The following SRGAP2B variants were observed in gnomAD, a reference collection of about 807,000 sequenced individuals.
SRGAP2B encodes SLIT-ROBO Rho GTPase-activating protein 2B.
SRGAP2B carries 9 observed loss-of-function variants against 22.2 expected under a neutral mutation model. The ratio of observed to expected loss-of-function variants is 0.41; its 90% CI spans 0.24 to 0.71. The LOEUF (loss-of-function observed/expected upper bound fraction) is 0.71. SRGAP2B is among the 30% of genes least tolerant of loss of function. The pLI, the probability that SRGAP2B is intolerant of heterozygous loss-of-function variation, is 0.35. For missense variants in SRGAP2B, 114 were observed against 235.8 expected (o/e 0.48, Z 3.38); for synonymous variants, 36 against 87.4 (o/e 0.41, Z 3.28).
chr1:145,012,723 A>AT (rs1188811037), intron 2 of SRGAP2B, among the ~76,000 whole-genome samples: 1 of 132,106 alleles, frequency 7.6e-6, no homozygotes, highest in Admixed American at 7.6e-5. Context: ...CCACTATAAT[A>AT]TTTTTTTCAA....
chr1:144,994,840 A>G lies in SRGAP2B; in HGVS notation c.260+168T>C, dbSNP rs1233779127. Among the ~76,000 whole-genome samples, 14 of 150,522 alleles carry G rather than the reference A, an allele frequency of 9.3e-5. 1 individual carries two copies. The highest frequency in any genetic ancestry group is 1.6e-4 in the Non-Finnish European group (11 of 67,962). ...CTACTCTCATCTCTACGAAATGTTG[A>G]ATTGCACTTAAGACTGATCTGGAAA... On this transcript the variant is annotated intron_variant, in intron 3 of 9. Coordinates refer to ENST00000612199, the Ensembl canonical transcript of SRGAP2B.
chr1:144,984,309 A>G (rs1669535236), intron 3 of SRGAP2B, among the ~76,000 whole-genome samples: 1 of 146,924 alleles, frequency 6.8e-6, no homozygotes, highest in African/African-American at 2.6e-5. Context: ...AACAAGAGCG[A>G]AACTCCATCT....
At chr1:144,923,407 T>C (rs1664400303) in intron 4 of SRGAP2B, among the ~76,000 whole-genome samples, 1 of 150,208 alleles carries the variant, frequency 6.7e-6, no homozygotes, top group Non-Finnish European at 1.5e-5. Context: ...AGATGAGTGA[T>C]CACCCCATTT....
chr1:144,973,769 GA>G, intron 3 of SRGAP2B, among the ~76,000 whole-genome samples: 1 of 129,642 alleles, frequency 7.7e-6, no homozygotes, highest in East Asian at 2.2e-4. Flanking sequence ...CAAATTCCCA[GA>G]ATGAGGATTC....
At chr1:144,990,637 G>A (rs1553616850) in intron 3 of SRGAP2B, among the ~76,000 whole-genome samples, 1 of 146,886 alleles carries the variant, frequency 6.8e-6, no homozygotes, top group Non-Finnish European at 1.5e-5. Flanking sequence ...CAGCTTGCAG[G>A]GAGGTGTGGA....
intron 2 of SRGAP2B, among the ~76,000 whole-genome samples, chr1:145,088,912 C>G (rs1203237180): frequency 7.4e-6 from 1 of 135,768 alleles, no homozygotes; most frequent in Admixed American, 7.4e-5. Flanking sequence ...GGAAAATATT[C>G]AAGAAAAAAA....
intron 2 of SRGAP2B, among the ~76,000 whole-genome samples, chr1:145,047,175 CAAAAAAAAA>C (rs4058382): frequency 2.7e-4 from 4 of 14,576 alleles, no homozygotes; most frequent in African/African-American, 5.6e-4. Flanking sequence ...GACTCTGTCT[CAAAAAAAAA>C]AAAAAAAAAA....
chr1:144,985,382 T>C (rs1669636190), intron 3 of SRGAP2B, among the ~76,000 whole-genome samples: 1 of 146,004 alleles, frequency 6.8e-6, no homozygotes, highest in Non-Finnish European at 1.5e-5. Context: ...GACAGAAATG[T>C]AGAAGTATTG....
At chr1:144,917,998 TG>T (rs1663989516) in intron 4 of SRGAP2B, 1 of 64,626 alleles carries the variant, frequency 1.5e-5, no homozygotes, top group Non-Finnish European at 2.9e-5. Flanking sequence ...CATTTATTCC[TG>T]GGAACAACAA....
At chr1:144,966,556 A>G (rs1668099835) in intron 3 of SRGAP2B, among the ~76,000 whole-genome samples, 1 of 146,850 alleles carries the variant, frequency 6.8e-6, no homozygotes, top group Non-Finnish European at 1.5e-5. Context: ...TGTAAACACC[A>G]TCGATGCTAG....
intron 6 of SRGAP2B, 54 bp downstream of exon 6, chr1:144,905,805 C>G (rs1380380379): frequency 9.9e-6 from 7 of 708,638 alleles, no homozygotes; most frequent in Non-Finnish European, 1.6e-5. Context: ...TCCTATCAGC[C>G]ATGCCTTACC....
At chr1:144,984,871 C>T (rs1388023695) in intron 3 of SRGAP2B, among the ~76,000 whole-genome samples, 8 of 150,228 alleles carry the variant, frequency 5.3e-5, no homozygotes, top group African/African-American at 1.8e-4. Context: ...CTCCACAATA[C>T]AAACCCATCT....
chr1:144,987,402 A>AT (rs1669814520), intron 3 of SRGAP2B, among the ~76,000 whole-genome samples: 2 of 150,568 alleles, frequency 1.3e-5, no homozygotes, highest in African/African-American at 4.9e-5. Flanking sequence ...AAATAAGGCC[A>AT]TACCTGCCCC....
At chr1:145,064,432 G>A (rs1168315623) in intron 2 of SRGAP2B, among the ~76,000 whole-genome samples, 3 of 147,808 alleles carry the variant, frequency 2.0e-5, no homozygotes, top group African/African-American at 7.8e-5. Flanking sequence ...GCTGTTAAGA[G>A]TTAGACACTG....
chr1:144,926,495 C>A (rs1553346835), intron 4 of SRGAP2B, among the ~76,000 whole-genome samples: 2 of 137,644 alleles, frequency 1.5e-5, no homozygotes, highest in African/African-American at 5.5e-5. Context: ...TCCCTACCCC[C>A]ACCCAGACAC....
intron 3 of SRGAP2B, among the ~76,000 whole-genome samples, chr1:144,983,029 G>A (rs1245046832): frequency 6.7e-6 from 1 of 149,520 alleles, no homozygotes; most frequent in African/African-American, 2.6e-5. Flanking sequence ...TGCTACATCT[G>A]GGCAAAATCT....
intron 3 of SRGAP2B, among the ~76,000 whole-genome samples, chr1:144,973,680 G>C (rs2102025216): frequency 7.9e-6 from 1 of 125,810 alleles, no homozygotes; most frequent in East Asian, 2.2e-4. Flanking sequence ...TACGATGATT[G>C]TTTTCCTCTT....
Position 145,023,103 on chromosome 1 carries a change from G to T in SRGAP2B, c.68-27903C>A, listed in dbSNP as rs1403844141. ...TCACTTGAACCCGGGAGAGGCGGAG[G>T]TTGCAGTGAGCAGAGATCGCGCCAC... On this transcript the variant is annotated intron_variant, in intron 2 of 9. Transcript: ENST00000612199. 1.3e-5 allele frequency among the ~76,000 whole-genome samples: 2 copies of T among 148,368 alleles called. 1 individual carries two copies. Among genetic ancestry groups the T allele is most frequent in the African/African-American group, 5.1e-5 (2 of 39,308 alleles).
Position 145,080,770 on chromosome 1 carries a change from G to C in SRGAP2B, c.67+12065C>G, listed in dbSNP as rs1282294880. Among the ~76,000 whole-genome samples the C allele has an allele frequency of 2.0e-5, 3 of 149,384 alleles. 1 individual carries two copies. Among genetic ancestry groups the C allele is most frequent in the Non-Finnish European group, 4.4e-5 (3 of 67,730 alleles). On this transcript the variant is annotated intron_variant, in intron 2 of 9. Coordinates refer to ENST00000612199, the Ensembl canonical transcript of SRGAP2B. ...GGGTTTCACCATGTTGGCCAGGCTG[G>C]TCTTGAACTCCTGACCTTAGGTGAT...
Sources: gnomAD v4.1 joint callset for allele counts (sites outside exome capture counted in the v4.1 genomes callset) on GRCh38, gnomAD v4.1.1 for gene constraint, MANE v1.5 for transcripts, NCBI Gene and HGNC (gene_info 2026-07-23, HGNC 2026-07-21) for gene names.